CEP128: variants seen among roughly 807,000 people sequenced by gnomAD.
The protein encoded by CEP128 is centrosomal protein 128kDa.
In CEP128, 132 loss-of-function variants were observed where a neutral mutation model predicts 156.7. The ratio of observed to expected loss-of-function variants is 0.84; its 90% CI spans 0.73 to 0.97. CEP128 has a LOEUF of 0.97. CEP128 is among the 50% of genes least tolerant of loss of function. The probability of loss-of-function intolerance (pLI) is 0.00; values close to 1 mark genes in which losing one functional copy is unlikely to be tolerated. For synonymous variants in CEP128, 469 were observed against 448.9 expected, an observed-to-expected ratio of 1.04 and a Z score of -0.57; for missense variants, 1,252 against 1,281.9, an observed-to-expected ratio of 0.98 and a Z score of 0.36.
At chr14:80,957,066 T>C (rs1410494045) in intron 2 of CEP128, among the ~76,000 whole-genome samples, 1 of 152,204 alleles carries the variant, frequency 6.6e-6, no homozygotes, top group Non-Finnish European at 1.5e-5. Context: ...CTCATTTCTC[T>C]AACTTCCCCC....
chr14:80,521,259 G>C (rs996919351), intron 23 of CEP128, among the ~76,000 whole-genome samples: 4 of 151,994 alleles, frequency 2.6e-5, no homozygotes, highest in Non-Finnish European at 5.9e-5. Flanking sequence ...TTTTGAATTA[G>C]AGATTATTAA....
chr14:80,925,861 G>A (rs1407169925), intron 2 of CEP128, among the ~76,000 whole-genome samples: 1 of 152,146 alleles, frequency 6.6e-6, no homozygotes, highest in Non-Finnish European at 1.5e-5. Context: ...TCTCCCACTG[G>A]GGAGCCGAGC....
chr14:80,719,807 G>A (rs1897746188), intron 19 of CEP128, among the ~76,000 whole-genome samples: 2 of 152,178 alleles, frequency 1.3e-5, no homozygotes, highest in South Asian at 2.1e-4. Flanking sequence ...TAAAAGACAA[G>A]TATTTGTTTT....
At chr14:80,615,075 A>T (rs1180372706) in intron 19 of CEP128, among the ~76,000 whole-genome samples, 2 of 152,226 alleles carry the variant, frequency 1.3e-5, no homozygotes, top group Non-Finnish European at 1.5e-5. Context: ...AAGAAATGGT[A>T]TTGATTGGGT....
intron 19 of CEP128, among the ~76,000 whole-genome samples, chr14:80,650,248 C>A (rs1375590691): frequency 6.6e-6 from 1 of 151,962 alleles, no homozygotes; most frequent in Non-Finnish European, 1.5e-5. Flanking sequence ...AATGCTTGTG[C>A]TTTTTGCAAA....
rs547576057 is a variant in CEP128, at chr14:80,685,241, G to C, written c.2806+57834C>G. ...GGCTACTGGGACTGATAAACCACTT[G>C]AGTAAAGTTTTGGGACACAAAACCA... is the stretch of plus-strand genomic sequence containing the variant. On this transcript the variant is annotated intron_variant, in intron 19 of 24. Coordinates refer to ENST00000555265, the MANE Select transcript of CEP128 (RefSeq NM_152446.5). 8.6e-5 allele frequency among the ~76,000 whole-genome samples: 13 copies of C among 152,046 alleles called. No homozygotes were observed. The South Asian group carries it at 2.7e-3, about 32-fold the overall frequency.
At chr14:80,557,388 C>A (rs1429754226) in intron 21 of CEP128, among the ~76,000 whole-genome samples, 2 of 152,150 alleles carry the variant, frequency 1.3e-5, no homozygotes, top group African/African-American at 2.4e-5. Context: ...TAATTTTAAT[C>A]ACAACCATTT....
At chr14:80,566,912 A>G (rs991317437) in intron 20 of CEP128, among the ~76,000 whole-genome samples, 6 of 152,232 alleles carry the variant, frequency 3.9e-5, no homozygotes, top group African/African-American at 9.6e-5. Context: ...GGAAAAAAAA[A>G]AAAACCAACA....
chr14:80,646,253 GT>G (rs1194621451), intron 19 of CEP128, among the ~76,000 whole-genome samples: 1 of 152,072 alleles, frequency 6.6e-6, no homozygotes, highest in Non-Finnish European at 1.5e-5. Flanking sequence ...TACCACTTTG[GT>G]GGGGGATACT....
At chr14:80,516,156 C>A (rs928919935) in intron 23 of CEP128, among the ~76,000 whole-genome samples, 5 of 152,188 alleles carry the variant, frequency 3.3e-5, no homozygotes, top group Non-Finnish European at 7.3e-5. Context: ...GTGTGCAAGA[C>A]CTACGGGCTC....
intron 23 of CEP128, among the ~76,000 whole-genome samples, chr14:80,516,546 C>G (rs1261218589): frequency 6.6e-6 from 1 of 152,156 alleles, no homozygotes. Context: ...GGCTAAACTG[C>G]CTCTCAAGTT....
At chr14:80,516,216 A>C (rs995303996) in intron 23 of CEP128, among the ~76,000 whole-genome samples, 1 of 152,118 alleles carries the variant, frequency 6.6e-6, no homozygotes, top group African/African-American at 2.4e-5. Flanking sequence ...TTCCTTCAAC[A>C]AAGAGGGTTC....
chr14:80,597,779 G>C (rs953604228), intron 19 of CEP128, among the ~76,000 whole-genome samples: 1 of 151,630 alleles, frequency 6.6e-6, no homozygotes, highest in Non-Finnish European at 1.5e-5. Flanking sequence ...GGGATACAAA[G>C]TTGGTTCAGT....
intron 10 of CEP128, 135 bp downstream of exon 10, chr14:80,840,546 AC>A: frequency 1.8e-6 from 1 of 555,694 alleles, no homozygotes; most frequent in Non-Finnish European, 3.2e-6. Flanking sequence ...GAGCCGTTGA[AC>A]CAATTGACTC....
chr14:80,592,702 A>G (rs1177353078), intron 19 of CEP128, among the ~76,000 whole-genome samples: 1 of 152,230 alleles, frequency 6.6e-6, no homozygotes, highest in Admixed American at 6.5e-5. Context: ...ACAAAAAAAG[A>G]AAATTTCAGG....
chr14:80,940,679 A>T (rs1886101655), intron 1 of CEP128, among the ~76,000 whole-genome samples: 1 of 152,156 alleles, frequency 6.6e-6, no homozygotes, highest in Non-Finnish European at 1.5e-5. Flanking sequence ...ACTCCTCAAA[A>T]AAAAAAAAGT....
intron 19 of CEP128, among the ~76,000 whole-genome samples, chr14:80,724,965 T>C (rs1186729243): frequency 1.4e-5 from 2 of 147,668 alleles, no homozygotes; most frequent in Admixed American, 1.4e-4. Context: ...ATATATAATA[T>C]ATATCATACA....
Position 80,916,560 on chromosome 14 carries a change from A to G in CEP128, c.-13T>C. 1 of 1,607,858 alleles carries G rather than the reference A, an allele frequency of 6.2e-7. No individual in the cohort carries two copies. Among genetic ancestry groups the G allele is most frequent in the Non-Finnish European group, 8.5e-7 (1 of 1,176,902 alleles). ...ATGATTCTGCCATTGATGTACACAA[A>G]TCCTTTTAAATAAATATAGGTCAAA... is the stretch of plus-strand genomic sequence containing the variant. On this transcript the variant is annotated splice_region_variant and 5_prime_UTR_variant, in exon 3 of 25. Transcript: ENST00000555265.
At chr14:80,587,905 AAATT>A (rs1891886036) in intron 19 of CEP128, among the ~76,000 whole-genome samples, 1 of 152,160 alleles carries the variant, frequency 6.6e-6, no homozygotes, top group African/African-American at 2.4e-5. Flanking sequence ...GCTTTCATTT[AAATT>A]AATTGGGCTG....
Sources: allele counts gnomAD v4.1 joint callset (sites outside exome capture counted in the v4.1 genomes callset), GRCh38; gene constraint gnomAD v4.1.1; transcripts MANE v1.5; gene names NCBI Gene and HGNC (gene_info 2026-07-23, HGNC 2026-07-21).